CCDC181: variants seen among roughly 807,000 people sequenced by gnomAD.
The protein encoded by CCDC181 is coiled-coil domain-containing protein 181.
CCDC181 carries 35 observed loss-of-function variants against 58.7 expected under a neutral mutation model. That is an observed-to-expected ratio of 0.60 (90% CI 0.46 to 0.79). The LOEUF is 0.79. Ranked by LOEUF, CCDC181 falls within the 30% of genes least tolerant of loss-of-function variation. The pLI is 0.00. For missense variants in CCDC181, 517 were observed against 583.9 expected, an observed-to-expected ratio of 0.89 and a Z score of 1.18; for synonymous variants, 183 against 197.5, an observed-to-expected ratio of 0.93 and a Z score of 0.62.
intron 3 of CCDC181, among the ~76,000 whole-genome samples, chr1:169,420,813 A>G (rs906060810): frequency 6.8e-6 from 1 of 147,586 alleles, no homozygotes; most frequent in African/African-American, 2.7e-5. Flanking sequence ...TATGAAAAAC[A>G]AAAAAAATTA....
chr1:169,434,891 C>T (rs1657013842), intron 2 of CCDC181, among the ~76,000 whole-genome samples: 1 of 151,972 alleles, frequency 6.6e-6, no homozygotes, highest in Non-Finnish European at 1.5e-5. Flanking sequence ...CCAGAACAGT[C>T]AAAATCTTAG....
chr1:169,418,775 A>G (rs1026974721), intron 4 of CCDC181: 11 of 498,584 alleles, frequency 2.2e-5, no homozygotes, highest in Admixed American at 1.5e-4. Context: ...AAACGAATTG[A>G]TAGTTTTCTG....
intron 4 of CCDC181, among the ~76,000 whole-genome samples, chr1:169,406,838 CAACA>C (rs1243287412): frequency 6.7e-6 from 1 of 149,862 alleles, no homozygotes; most frequent in African/African-American, 2.5e-5. Context: ...AAAAATAAAC[CAACA>C]AACAAACACA....
At position 169,421,460 on chromosome 1, in the gene CCDC181, G is replaced by GAAGACA; in HGVS notation, c.970_971insTGTCTT (p.Ala324delinsValSerSer). ...TGTTGAAGTCACTGGTGAGATATGT[G>GAAGACA]CAGACTGTGTCCTGTGATTAGATTT... On this transcript the variant is annotated protein_altering_variant, in exon 3 of 6. Transcript: ENST00000367806. The GAAGACA allele has an allele frequency of 1.2e-6, 2 of 1,614,072 alleles. No individual in the cohort carries two copies. The highest frequency in any genetic ancestry group is 1.7e-5 in the Admixed American group (1 of 59,986).
chr1:169,417,374 T>G (rs1656261080), intron 4 of CCDC181, among the ~76,000 whole-genome samples: 2 of 152,136 alleles, frequency 1.3e-5, no homozygotes, highest in South Asian at 4.1e-4. Context: ...GCAACTCACA[T>G]AACTCGAGGA....
intron 4 of CCDC181, among the ~76,000 whole-genome samples, chr1:169,417,979 A>G (rs1376658074): frequency 6.6e-6 from 1 of 152,210 alleles, no homozygotes; most frequent in Admixed American, 6.5e-5. Flanking sequence ...AAATAAGATG[A>G]TAACCCACAT....
At chr1:169,441,588 C>T (rs776542641) in intron 2 of CCDC181, among the ~76,000 whole-genome samples, 1 of 151,876 alleles carries the variant, frequency 6.6e-6, no homozygotes, top group African/African-American at 2.4e-5. Context: ...CTCTGGCTAT[C>T]GATAACTATA....
At chr1:169,456,858 T>C (rs531759547) in intron 2 of CCDC181, among the ~76,000 whole-genome samples, 19 of 152,348 alleles carry the variant, frequency 1.2e-4, no homozygotes, top group African/African-American at 4.6e-4. Flanking sequence ...TCTGGATTTA[T>C]CTAAATGCTT....
chr1:169,421,031 T>C (rs1304147612), intron 3 of CCDC181, among the ~76,000 whole-genome samples: 2 of 152,216 alleles, frequency 1.3e-5, no homozygotes, highest in Admixed American at 1.3e-4. Context: ...TCTGACATTT[T>C]ATTTTTACCT....
intron 5 of CCDC181, chr1:169,396,020 G>A (rs1323174211): frequency 6.6e-6 from 1 of 152,086 alleles, no homozygotes; most frequent in East Asian, 1.9e-4. Flanking sequence ...TGGGTTAGTT[G>A]GGGAATAAAT....
intron 4 of CCDC181, among the ~76,000 whole-genome samples, chr1:169,410,016 A>C (rs1034936042): frequency 6.6e-5 from 10 of 152,162 alleles, no homozygotes; most frequent in African/African-American, 1.9e-4. Context: ...TAATGACAGG[A>C]TCAAATTCAC....
At chr1:169,414,027 AT>A (rs1656106696) in intron 4 of CCDC181, among the ~76,000 whole-genome samples, 8 of 151,876 alleles carry the variant, frequency 5.3e-5, no homozygotes, top group Admixed American at 6.6e-5. Flanking sequence ...ATTAAAAAAA[AT>A]AATTAAATAC....
intron 3 of CCDC181, among the ~76,000 whole-genome samples, chr1:169,420,787 T>C (rs1391724764): frequency 6.6e-6 from 1 of 152,102 alleles, no homozygotes; most frequent in Non-Finnish European, 1.5e-5. Flanking sequence ...TACATAGAGT[T>C]TCACATAAGA....
rs201242657 is a variant in CCDC181 at position 169,421,633 on chromosome 1, G to A, written c.798C>T (p.Gly266=). The A allele has an allele frequency of 1.9e-6, 3 of 1,613,960 alleles. No individual in the cohort carries two copies. Among genetic ancestry groups the A allele is most frequent in the Admixed American group, 3.3e-5 (2 of 59,984 alleles). The change falls in exon 3 of 6, where the codon GGC becomes GGT. Residue 266 remains glycine (G), a synonymous_variant. Coordinates refer to ENST00000367806, the MANE Select transcript of CCDC181 (RefSeq NM_001300969.2). ...LPRSSNSSVS[G]TKKEDSTAKI... is the part of the protein sequence containing the mutation. Reference sequence around the variant, plus strand: ...TTGCTGTAGAATCTTCTTTCTTGGTGCCACTGACAGAGGAGTTGGAAGATC... The same window carrying A: ...TTGCTGTAGAATCTTCTTTCTTGGTACCACTGACAGAGGAGTTGGAAGATC...
intron 4 of CCDC181, among the ~76,000 whole-genome samples, chr1:169,417,969 A>G (rs1293150820): frequency 4.6e-5 from 7 of 152,208 alleles, no homozygotes; most frequent in African/African-American, 1.4e-4. Flanking sequence ...TTTGAAGGAA[A>G]AATAAGATGA....
chr1:169,411,164 A>T (rs945379745), intron 4 of CCDC181, among the ~76,000 whole-genome samples: 1 of 152,160 alleles, frequency 6.6e-6, no homozygotes, highest in Non-Finnish European at 1.5e-5. Context: ...AATAAAAGAG[A>T]GAAGAATCAA....
At chr1:169,428,015 C>G (rs565500049), upstream of CCDC181, among the ~76,000 whole-genome samples, 9 of 152,160 alleles carry the variant, frequency 5.9e-5, no homozygotes, top group African/African-American at 2.2e-4. Flanking sequence ...CTATCCATTC[C>G]CAGCCAGAAA....
chr1:169,440,007 TA>T (rs1657168089), intron 2 of CCDC181, among the ~76,000 whole-genome samples: 1 of 152,004 alleles, frequency 6.6e-6, no homozygotes, highest in South Asian at 2.1e-4. Context: ...GGGTACAGGA[TA>T]GGGGCATGGT....
intron 4 of CCDC181, among the ~76,000 whole-genome samples, chr1:169,412,493 T>C (rs1347509717): frequency 4.6e-5 from 7 of 152,034 alleles, no homozygotes; most frequent in Admixed American, 2.0e-4. Flanking sequence ...CAAGCTACCA[T>C]TGACGTTCTT....
Sources: gnomAD v4.1 joint callset for allele counts (sites outside exome capture counted in the v4.1 genomes callset) on GRCh38, gnomAD v4.1.1 for gene constraint, MANE v1.5 for transcripts, NCBI Gene and HGNC (gene_info 2026-07-23, HGNC 2026-07-21) for gene names.